Variants in MSI2 observed in about 807,000 individuals in gnomAD.
MSI2 encodes musashi RNA binding protein 2, also known as RNA-binding protein Musashi homolog 2.
Under a neutral mutation model 45.6 loss-of-function variants are expected in MSI2, and 17 were observed. That is an observed-to-expected ratio of 0.37 (90% CI 0.26 to 0.56). The LOEUF is 0.56. Ranked by LOEUF, MSI2 falls within the 20% of genes least tolerant of loss-of-function variation. The pLI, the probability that MSI2 is intolerant of heterozygous loss-of-function variation, is 0.77. For missense variants in MSI2, 293 were observed against 444.2 expected (o/e 0.66, Z 3.06); for synonymous variants, 156 against 158.2 (o/e 0.99, Z 0.11).
intron 5 of MSI2, among the ~76,000 whole-genome samples, chr17:57,288,959 G>C (rs534705277): frequency 6.6e-6 from 1 of 152,324 alleles, no homozygotes; most frequent in East Asian, 1.9e-4. Context: ...CAATTGCCAC[G>C]TGTCTCCTGG....
At chr17:57,402,420 G>T (rs1347746391) in intron 6 of MSI2, among the ~76,000 whole-genome samples, 2 of 152,220 alleles carry the variant, frequency 1.3e-5, no homozygotes, top group Non-Finnish European at 2.9e-5. Context: ...CTGCTGAAGG[G>T]CTGACATGGG....
At chr17:57,279,681 G>C (rs1909233825) in intron 5 of MSI2, 1 of 151,888 alleles carries the variant, frequency 6.6e-6, no homozygotes, top group African/African-American at 2.4e-5. Flanking sequence ...ATCTTGCTCT[G>C]TCTCCCAGGC....
chr17:57,700,147 T>G, the MSI2 span, among the ~76,000 whole-genome samples: 1 of 152,250 alleles, frequency 6.6e-6, no homozygotes, highest in African/African-American at 2.4e-5. Context: ...GATGGGACTC[T>G]GGCTTTTTGC....
intron 6 of MSI2, among the ~76,000 whole-genome samples, chr17:57,411,903 AGGCT>A (rs2084203938): frequency 6.6e-6 from 1 of 151,978 alleles, no homozygotes; most frequent in Non-Finnish European, 1.5e-5. Flanking sequence ...GCTACTCAGA[AGGCT>A]GAGGCAGGAG....
rs143100129 is a variant in MSI2, at chr17:57,540,312, C to T, written c.454+10588C>T. ...AAGAATACTGTGACTGTCATTACTTCGGGAATGGAGGCTCAGGCTTGCTGA... is the reference window on the plus strand; with the variant it reads ...AAGAATACTGTGACTGTCATTACTTTGGGAATGGAGGCTCAGGCTTGCTGA... On this transcript the variant is annotated intron_variant, in intron 7 of 13. Transcript: ENST00000284073. Among the ~76,000 whole-genome samples the T allele has an allele frequency of 3.7e-3, 565 of 152,218 alleles. 7 individuals carry two copies. Among genetic ancestry groups the T allele is most frequent in the African/African-American group, 0.013 (529 of 41,540 alleles).
At chr17:57,356,269 T>C (rs920293158) in intron 5 of MSI2, among the ~76,000 whole-genome samples, 4 of 152,206 alleles carry the variant, frequency 2.6e-5, no homozygotes, top group Admixed American at 6.5e-5. Context: ...ATCTCCCCTC[T>C]TTGCATAACT....
intron 5 of MSI2, among the ~76,000 whole-genome samples, chr17:57,308,917 C>T (rs1598101067): frequency 1.3e-5 from 2 of 152,096 alleles, no homozygotes; most frequent in Admixed American, 6.5e-5. Flanking sequence ...TTCTTTTGTC[C>T]GTGGTACCAT....
chr17:57,661,939 A>C (rs1466117073), intron 11 of MSI2, among the ~76,000 whole-genome samples: 1 of 152,126 alleles, frequency 6.6e-6, no homozygotes, highest in African/African-American at 2.4e-5. Context: ...CTCCTGAATG[A>C]AAGGTGAGAT....
chr17:57,304,192 A>G (rs1407932793), intron 5 of MSI2, among the ~76,000 whole-genome samples: 2 of 151,832 alleles, frequency 1.3e-5, no homozygotes, highest in Non-Finnish European at 2.9e-5. Context: ...TGCTATCTCT[A>G]CTAAAAATAC....
At chr17:57,273,140 A>G (rs1447644140) in intron 5 of MSI2, among the ~76,000 whole-genome samples, 1 of 152,138 alleles carries the variant, frequency 6.6e-6, no homozygotes, top group African/African-American at 2.4e-5. Context: ...TGCTACATGT[A>G]TATGTTTCCT....
chr17:57,417,340 G>A (rs1298249362), intron 6 of MSI2, among the ~76,000 whole-genome samples: 2 of 152,126 alleles, frequency 1.3e-5, no homozygotes, highest in African/African-American at 4.8e-5. Flanking sequence ...TGCCCATTTT[G>A]GAAAGAACCA....
chr17:57,404,344 A>G (rs1407092235), intron 6 of MSI2, among the ~76,000 whole-genome samples: 4 of 152,170 alleles, frequency 2.6e-5, no homozygotes, highest in Admixed American at 2.6e-4. Context: ...ACGATGGGCA[A>G]GATGCAAAGG....
chr17:57,561,439 T>C (rs2087572637), intron 7 of MSI2, among the ~76,000 whole-genome samples: 1 of 152,234 alleles, frequency 6.6e-6, no homozygotes, highest in South Asian at 2.1e-4. Context: ...TATCCATTTC[T>C]GTGCGGTTTA....
At chr17:57,421,266 C>T (rs2084390323) in intron 6 of MSI2, among the ~76,000 whole-genome samples, 1 of 152,158 alleles carries the variant, frequency 6.6e-6, no homozygotes, top group African/African-American at 2.4e-5. Context: ...AGTCCCCTCA[C>T]CCTCTGTCAA....
chr17:57,310,812 C>T (rs1300900970), intron 5 of MSI2, among the ~76,000 whole-genome samples: 1 of 152,140 alleles, frequency 6.6e-6, no homozygotes, highest in Non-Finnish European at 1.5e-5. Flanking sequence ...CCTAGAGAGG[C>T]CCGAGAGCCT....
intron 9 of MSI2, among the ~76,000 whole-genome samples, chr17:57,621,048 T>C (rs557435166): frequency 5.4e-4 from 82 of 152,346 alleles, no homozygotes; most frequent in Middle Eastern, 3.4e-3. Context: ...TGCCATTTGC[T>C]GTGCTATGAT....
intron 6 of MSI2, among the ~76,000 whole-genome samples, chr17:57,468,444 C>G (rs1317767031): frequency 1.4e-5 from 2 of 147,684 alleles, no homozygotes; most frequent in African/African-American, 5.0e-5. Context: ...TGGCGTGAAA[C>G]TGGGAGGCGG....
Position 57,574,829 on chromosome 17 carries a change from T to TC in MSI2, c.455-22039_455-22038insC, listed in dbSNP as rs1491292272. Among the ~76,000 whole-genome samples the TC allele has an allele frequency of 5.4e-3, 440 of 81,796 alleles. 1 individual carries two copies. Among genetic ancestry groups the TC allele is most frequent in the Admixed American group, 9.2e-3 (77 of 8,364 alleles). 53.7% of individuals were successfully genotyped at this position (81,796 alleles called of 152,430 possible). ...ACAAATTCTGCATTCTCTCTCTCTC[T>TC]TTTTTTTTTTTTTTTTTTTGAGACG... On this transcript the variant is annotated intron_variant, in intron 7 of 13. Transcript: ENST00000284073.
chr17:57,305,544 CTG>C lies in MSI2; in HGVS notation c.312+43358_312+43359del, dbSNP rs562678558. ...ATGTAGTCAAAACACACGCTGATCA[CTG>C]TGTGTTACTGCTGACGAGGTTTTAG... is the stretch of plus-strand genomic sequence containing the variant. On this transcript the variant is annotated intron_variant, in intron 5 of 13. Coordinates refer to ENST00000284073, the MANE Select transcript of MSI2 (RefSeq NM_138962.4). Among the ~76,000 whole-genome samples the C allele has an allele frequency of 4.3e-3, 652 of 152,316 alleles. 7 individuals are homozygous for C. Among genetic ancestry groups the C allele is most frequent in the African/African-American group, 0.015 (626 of 41,564 alleles).
Sources: allele counts gnomAD v4.1 joint callset (sites outside exome capture counted in the v4.1 genomes callset), GRCh38; gene constraint gnomAD v4.1.1; transcripts MANE v1.5; gene names NCBI Gene and HGNC (gene_info 2026-07-23, HGNC 2026-07-21).